HDAC4: variants seen among roughly 807,000 people sequenced by gnomAD.
HDAC4 encodes the protein histone deacetylase A.
HDAC4 carries 16 observed loss-of-function variants against 135.1 expected under a neutral mutation model. That is an observed-to-expected ratio of 0.12 (90% CI 0.08 to 0.18). The LOEUF is 0.18. HDAC4 is among the 10% of genes least tolerant of loss of function. The pLI is 1.00. For synonymous variants in HDAC4, 685 were observed against 653.4 expected, an observed-to-expected ratio of 1.05 and a Z score of -0.74; for missense variants, 1,143 against 1,511.8, an observed-to-expected ratio of 0.76 and a Z score of 4.05.
chr2:239,224,337 T>C (rs1167259896), intron 3 of HDAC4, among the ~76,000 whole-genome samples: 1 of 152,240 alleles, frequency 6.6e-6, no homozygotes, highest in Non-Finnish European at 1.5e-5. Context: ...CTCCGATGCC[T>C]GTCCCACGTG....
Position 239,309,807 on chromosome 2 carries a change from C to T in HDAC4, c.22+42871G>A, listed in dbSNP as rs535693793. On this transcript the variant is annotated intron_variant, in intron 2 of 26. Coordinates refer to ENST00000543185, the MANE Select transcript of HDAC4 (RefSeq NM_001378414.1). The surrounding 1 kb of genome is among the most constrained non-coding windows in gnomAD (Gnocchi z 4.2). ...GAGGACTGGTGTTGATAAAACATTC[C>T]AACCACACACTCAGACCATGGATGT... Among the ~76,000 whole-genome samples, 7 of 152,320 alleles carry T rather than the reference C, an allele frequency of 4.6e-5. No homozygotes were observed. Among genetic ancestry groups the T allele is most frequent in the African/African-American group, 1.7e-4 (7 of 41,582 alleles).
intron 7 of HDAC4, among the ~76,000 whole-genome samples, chr2:239,145,895 A>G (rs1455164065): frequency 6.6e-6 from 1 of 152,202 alleles, no homozygotes; most frequent in African/African-American, 2.4e-5. Flanking sequence ...GACCTTCTCC[A>G]CTTTGGAAAA....
At position 239,184,285 on chromosome 2, in the gene HDAC4, G is replaced by C. The variant is rs547174374; in HGVS notation, c.339+5548C>G. Reference sequence around the variant, plus strand: ...ACCTGCCCTGGAGGCTGTGCCCTATGGGGGGGTCCCTAAGTGTCTGTCCTG... The same window carrying C: ...ACCTGCCCTGGAGGCTGTGCCCTATCGGGGGGTCCCTAAGTGTCTGTCCTG... On this transcript the variant is annotated intron_variant, in intron 4 of 26. Transcript: ENST00000543185. Among the ~76,000 whole-genome samples the C allele has an allele frequency of 1.4e-4, 21 of 147,574 alleles. No homozygotes were observed. In the East Asian group the frequency reaches 3.7e-3, roughly 26 times the overall value.
chr2:239,066,680 G>C, intron 24 of HDAC4, 42 bp downstream of exon 24: 8 of 1,612,558 alleles, frequency 5.0e-6, no homozygotes, highest in Non-Finnish European at 6.8e-6. Context: ...CCCCGAGCCT[G>C]TCAGTGTGGA....
intron 2 of HDAC4, among the ~76,000 whole-genome samples, chr2:239,311,477 A>C (rs964003434): frequency 2.0e-5 from 3 of 152,226 alleles, no homozygotes; most frequent in African/African-American, 7.2e-5. Context: ...AGCATCCGGG[A>C]AATGTAGAAT....
chr2:239,054,762 G>T lies in HDAC4; in HGVS notation c.3075C>A (p.Val1025=). 1 of 1,612,112 alleles carries T rather than the reference G, an allele frequency of 6.2e-7. No homozygotes were observed. ...NANAVRSMEK[V]MEIHSKYWRC... Reference sequence around the variant, plus strand: ...CAGGCAACTTACTGTGGATCTCCATGACTTTCTCCATGGAACGGACAGCGT... The same window carrying T: ...CAGGCAACTTACTGTGGATCTCCATTACTTTCTCCATGGAACGGACAGCGT... The change falls in exon 25 of 27, where the codon GTC becomes GTA. Residue 1025 remains valine, a synonymous_variant. Transcript: ENST00000543185.
chr2:239,289,468 T>C (rs936206007), intron 2 of HDAC4, among the ~76,000 whole-genome samples: 1 of 152,248 alleles, frequency 6.6e-6, no homozygotes, highest in Non-Finnish European at 1.5e-5. Context: ...GGAAGTCGAG[T>C]AAAACACTTC....
At chr2:239,238,159 G>A (rs1447092807) in intron 2 of HDAC4, among the ~76,000 whole-genome samples, 3 of 152,142 alleles carry the variant, frequency 2.0e-5, no homozygotes, top group Non-Finnish European at 1.5e-5. Context: ...CTCAGAAAGA[G>A]ACCCCAGATA....
chr2:239,169,253 A>C (rs1559547717), intron 5 of HDAC4, among the ~76,000 whole-genome samples: 1 of 152,178 alleles, frequency 6.6e-6, no homozygotes, highest in Non-Finnish European at 1.5e-5. Flanking sequence ...CATAGGATAC[A>C]CCCTGGGCTA....
Position 239,366,453 on chromosome 2 carries a change from TG to T in HDAC4, c.-219-13536del, listed in dbSNP as rs1694221367. Among the ~76,000 whole-genome samples, 3 of 152,386 alleles carry T rather than the reference TG, an allele frequency of 2.0e-5. No homozygotes were observed. In the South Asian group the frequency reaches 6.2e-4, roughly 32 times the overall value. ...GTCAGCACTGAGGCCCTTTTGCAGA[TG>T]CCTAGGTGTGTTTATTGCCAGTCTG... On this transcript the variant is annotated intron_variant, in intron 1 of 26. Transcript: ENST00000543185.
intron 1 of HDAC4, among the ~76,000 whole-genome samples, chr2:239,367,244 A>G (rs1694279146): frequency 6.6e-6 from 1 of 152,182 alleles, no homozygotes; most frequent in Non-Finnish European, 1.5e-5. Context: ...TACAGTGGAC[A>G]TGGACTGAAC....
intron 2 of HDAC4, among the ~76,000 whole-genome samples, chr2:239,322,438 T>C (rs776743395): frequency 2.4e-4 from 37 of 152,388 alleles, no homozygotes; most frequent in Non-Finnish European, 4.4e-4. Context: ...GACCCATCCG[T>C]AGGCTGTTGT....
At chr2:239,215,923 A>T (rs562055561) in intron 3 of HDAC4, among the ~76,000 whole-genome samples, 1 of 152,284 alleles carries the variant, frequency 6.6e-6, no homozygotes, top group Admixed American at 6.5e-5. Flanking sequence ...TCCCCAAGTA[A>T]ATATTTATGC....
chr2:239,185,397 T>C (rs1218849604), intron 4 of HDAC4, among the ~76,000 whole-genome samples: 1 of 151,010 alleles, frequency 6.6e-6, no homozygotes, highest in African/African-American at 2.4e-5. Context: ...GCCCCACGCC[T>C]CCTGGGGAGA....
intron 2 of HDAC4, among the ~76,000 whole-genome samples, chr2:239,328,947 G>A (rs889565207): frequency 2.4e-4 from 36 of 152,246 alleles, no homozygotes; most frequent in Non-Finnish European, 4.3e-4. Context: ...CAAGGGAGGA[G>A]GAATTCTTTT....
chr2:239,348,859 T>A (rs1692910234), intron 2 of HDAC4, among the ~76,000 whole-genome samples: 1 of 152,210 alleles, frequency 6.6e-6, no homozygotes, highest in Admixed American at 6.5e-5. Flanking sequence ...GTTAAGCAGC[T>A]TTGACGTCAG....
At chr2:239,204,333 G>A (rs1350459092) in intron 3 of HDAC4, among the ~76,000 whole-genome samples, 3 of 152,234 alleles carry the variant, frequency 2.0e-5, no homozygotes, top group Non-Finnish European at 4.4e-5. Context: ...AGGCAGTGGT[G>A]ACTCGGCCTG....
chr2:239,185,756 C>T (rs912041461), intron 4 of HDAC4, among the ~76,000 whole-genome samples: 9 of 152,188 alleles, frequency 5.9e-5, no homozygotes, highest in African/African-American at 1.2e-4. Flanking sequence ...AGAGGCCGGG[C>T]GCAGTGGCTC....
chr2:239,144,166 G>A (rs550369086), intron 8 of HDAC4, among the ~76,000 whole-genome samples: 8 of 152,324 alleles, frequency 5.3e-5, no homozygotes, highest in African/African-American at 9.6e-5. Flanking sequence ...GTGGGAAGAC[G>A]TTAAAATGCC....
Sources: gnomAD v4.1 joint callset for allele counts (sites outside exome capture counted in the v4.1 genomes callset) on GRCh38, gnomAD v4.1.1 for gene constraint, Gnocchi (gnomAD v3.1) non-coding constraint, MANE v1.5 for transcripts, NCBI Gene and HGNC (gene_info 2026-07-23, HGNC 2026-07-21) for gene names.